Variants in CACNA1I observed in about 807,000 individuals in gnomAD.
CACNA1I encodes the protein calcium voltage-gated channel subunit alpha1 I.
CACNA1I carries 74 observed loss-of-function variants against 201.6 expected under a neutral mutation model. That is an observed-to-expected ratio of 0.37 (90% CI 0.30 to 0.45). CACNA1I has a LOEUF of 0.45. Ranked by LOEUF, CACNA1I falls within the 20% of genes least tolerant of loss-of-function variation. The pLI is 1.00. For synonymous variants in CACNA1I, 1,431 were observed against 1,345.2 expected (o/e 1.06, Z -1.40); for missense variants, 2,346 against 3,138.1 (o/e 0.75, Z 6.03).
At chr22:39,615,984 G>T (rs780007334) in intron 3 of CACNA1I, among the ~76,000 whole-genome samples, 2 of 152,170 alleles carry the variant, frequency 1.3e-5, no homozygotes, top group Non-Finnish European at 2.9e-5. Flanking sequence ...CTACAGGAAC[G>T]TTTTCTTGGG....
rs1342929945 is a variant in CACNA1I at position 39,677,107 on chromosome 22, C to A, written c.4855-234C>A. On this transcript the variant is annotated intron_variant, in intron 29 of 36. Transcript: ENST00000402142. The surrounding 1 kb of genome is among the most constrained non-coding windows in gnomAD (Gnocchi z 4.8). ...ACCTTAAGTGCTGGAAATGGGACAGCTTGTGGTAAAGGTGGCACAAGTGTT... is the reference window on the plus strand; with the variant it reads ...ACCTTAAGTGCTGGAAATGGGACAGATTGTGGTAAAGGTGGCACAAGTGTT... Among the ~76,000 whole-genome samples, 1 of 152,198 alleles carries A rather than the reference C, an allele frequency of 6.6e-6. No homozygotes were observed. The highest frequency in any genetic ancestry group is 2.4e-5 in the African/African-American group (1 of 41,448).
intron 1 of CACNA1I, among the ~76,000 whole-genome samples, chr22:39,572,682 CA>C (rs1286084380): frequency 1.3e-5 from 2 of 151,984 alleles, no homozygotes; most frequent in African/African-American, 4.8e-5. Context: ...TGCCCTGGGA[CA>C]CTGAGGACAA....
chr22:39,660,052 T>TC lies in CACNA1I; in HGVS notation c.2604+207dup, dbSNP rs564106254. On this transcript the variant is annotated intron_variant, in intron 14 of 36. Coordinates refer to ENST00000402142, the MANE Select transcript of CACNA1I (RefSeq NM_021096.4). ...TGGAGACTGCGTCTGCCATCCCTGCTCCCCCCCAGGGATGTAGGACTAGGC... is the reference window on the plus strand; with the variant it reads ...TGGAGACTGCGTCTGCCATCCCTGCTCCCCCCCCAGGGATGTAGGACTAGGC... Among the ~76,000 whole-genome samples, 58 of 151,374 alleles carry TC rather than the reference T, an allele frequency of 3.8e-4. 1 individual carries two copies. The South Asian group carries it at 0.011, about 28-fold the overall frequency.
intron 1 of CACNA1I, among the ~76,000 whole-genome samples, chr22:39,572,640 G>A (rs1569041995): frequency 2.0e-5 from 3 of 152,060 alleles, no homozygotes; most frequent in African/African-American, 4.8e-5. Context: ...GGGTCTGCTC[G>A]GTAATTAGTT....
intron 1 of CACNA1I, among the ~76,000 whole-genome samples, chr22:39,593,337 C>A (rs1241512461): frequency 2.6e-5 from 4 of 152,316 alleles, no homozygotes; most frequent in Non-Finnish European, 4.4e-5. Context: ...GTCTGGTACA[C>A]AGTCGTCAGA....
At position 39,600,667 on chromosome 22, in the gene CACNA1I, G is replaced by A. The variant is rs58365162; in HGVS notation, c.482+14G>A. On this transcript the variant is annotated intron_variant, in intron 3 of 36. Coordinates refer to ENST00000402142, the MANE Select transcript of CACNA1I (RefSeq NM_021096.4). ...CGTCATGGCAGGGTAGGTAGCGCCC[G>A]CCAGGCAGGTCCTAGCCTCTGGTGC... 7.4e-5 allele frequency: 118 copies of A among 1,591,126 alleles called. No homozygotes were observed. The highest frequency in any genetic ancestry group is 9.7e-5 in the Non-Finnish European group (114 of 1,170,642).
At chr22:39,656,641 GGAATGAAT>G (rs112171045) in intron 10 of CACNA1I, 13 of 517,546 alleles carry the variant, frequency 2.5e-5, no homozygotes, top group South Asian at 5.6e-5. Context: ...TAGCCATGCA[GGAATGAAT>G]GAATGAATGA....
At chr22:39,680,008 T>TG in intron 33 of CACNA1I, 140 bp downstream of exon 33, 1 of 833,182 alleles carries the variant, frequency 1.2e-6, no homozygotes, top group Non-Finnish European at 1.8e-6. Context: ...CTTCCATGGC[T>TG]GGGGCAGATT....
In CACNA1I at chr22:39,624,448, G is replaced by A. The variant is rs557822315; in HGVS notation, c.580+5041G>A. On this transcript the variant is annotated intron_variant, in intron 4 of 36. Coordinates refer to ENST00000402142, the MANE Select transcript of CACNA1I (RefSeq NM_021096.4). Reference sequence around the variant, plus strand: ...CTTTCCTCAGGGTCTCCTCCTGCTAGTGGCCACCGCTGGGCAGTTGGGGGA... The same window carrying A: ...CTTTCCTCAGGGTCTCCTCCTGCTAATGGCCACCGCTGGGCAGTTGGGGGA... Among the ~76,000 whole-genome samples the A allele has an allele frequency of 3.2e-4, 48 of 152,298 alleles. No individual in the cohort carries two copies. The South Asian group carries it at 9.5e-3, about 30-fold the overall frequency.
chr22:39,623,208 T>A (rs1214172126), intron 4 of CACNA1I, among the ~76,000 whole-genome samples: 1 of 151,332 alleles, frequency 6.6e-6, no homozygotes, highest in Non-Finnish European at 1.5e-5. Context: ...TGTGAGGGTG[T>A]GTGTCCACCA....
intron 5 of CACNA1I, among the ~76,000 whole-genome samples, chr22:39,637,263 C>T (rs1046828934): frequency 1.3e-5 from 2 of 152,178 alleles, no homozygotes; most frequent in Non-Finnish European, 2.9e-5. Context: ...ACAAGACCAG[C>T]CAGGGTGGGG....
At position 39,619,815 on chromosome 22, in the gene CACNA1I, A is replaced by G. The variant is rs146331841; in HGVS notation, c.580+408A>G. 5.3e-5 allele frequency among the ~76,000 whole-genome samples: 8 copies of G among 152,232 alleles called. No homozygotes were observed. In the East Asian group the frequency reaches 1.5e-3, roughly 29 times the overall value. ...TGGGGCAATGAAACCTGACTCCCTC[A>G]CTTGTGCTGACTGACTTAGAAGTCG... On this transcript the variant is annotated intron_variant, in intron 4 of 36. Coordinates refer to ENST00000402142, the MANE Select transcript of CACNA1I (RefSeq NM_021096.4).
chr22:39,665,357 C>T lies in CACNA1I; in HGVS notation c.3852-141C>T. On this transcript the variant is annotated intron_variant, in intron 21 of 36. Transcript: ENST00000402142. The surrounding 1 kb of genome is among the most constrained non-coding windows in gnomAD (Gnocchi z 5.5). The stretch of plus-strand genomic sequence containing the variant: ...TCTCTGCATTCCTGGAGACTGTCCT[C>T]ATGCCCCAGGGTGTTCAGCCCTGGT... 1.0e-6 allele frequency: 1 copy of T among 970,910 alleles called. No individual in the cohort carries two copies. Among genetic ancestry groups the T allele is most frequent in the Non-Finnish European group, 1.5e-6 (1 of 669,078 alleles). 60.1% of individuals were successfully genotyped at this position (970,910 alleles called of 1,614,324 possible). A position where few individuals can be genotyped will look rare whatever the true frequency, so the allele number is the denominator to read the frequency against.
At chr22:39,660,315 G>C in intron 14 of CACNA1I, 29 bp from the exon 15 acceptor site, 1 of 1,572,608 alleles carries the variant, frequency 6.4e-7, no homozygotes, top group Non-Finnish European at 8.7e-7. Flanking sequence ...GGACTGACCT[G>C]CATTCTAACG....
chr22:39,600,749 T>G, intron 3 of CACNA1I, 96 bp downstream of exon 3: 1 of 1,400,714 alleles, frequency 7.1e-7, no homozygotes, highest in Non-Finnish European at 9.4e-7. Context: ...TGAAGGGGAA[T>G]CACGGTGATG....
intron 32 of CACNA1I, 40 bp downstream of exon 32, chr22:39,679,485 G>C (rs919385999): frequency 1.5e-6 from 2 of 1,344,110 alleles, no homozygotes; most frequent in African/African-American, 1.5e-5. Flanking sequence ...CGCCAGAGGG[G>C]GGGCACCGCA....
At chr22:39,653,867 G>A (rs563936870) in intron 10 of CACNA1I, among the ~76,000 whole-genome samples, 2 of 152,354 alleles carry the variant, frequency 1.3e-5, no homozygotes, top group South Asian at 4.1e-4. Context: ...CTAGAAGGAG[G>A]GGATGGGTGA....
In CACNA1I at chr22:39,571,145, G is replaced by A. The variant is rs541877738; in HGVS notation, c.236+157G>A. On this transcript the variant is annotated intron_variant, in intron 1 of 36. Transcript: ENST00000402142. Reference sequence around the variant, plus strand: ...TGGTGGTGAGCGAGCTCAGAGGGTGGGTCTGGGGAGACCTCAAATGGATGA... The same window carrying A: ...TGGTGGTGAGCGAGCTCAGAGGGTGAGTCTGGGGAGACCTCAAATGGATGA... 20 of 650,910 alleles carry A rather than the reference G, an allele frequency of 3.1e-5. No homozygotes were observed. In the East Asian group the frequency reaches 4.6e-4, roughly 15 times the overall value. The allele number at this position is 650,910 out of a possible 1,614,324, so 40.3% of individuals were successfully genotyped here.
intron 1 of CACNA1I, among the ~76,000 whole-genome samples, chr22:39,585,224 T>A (rs551484225): frequency 6.6e-6 from 1 of 151,782 alleles, no homozygotes; most frequent in Admixed American, 6.6e-5. Context: ...TGTGCCCGGA[T>A]AATTTTTTTT....
Sources: allele counts gnomAD v4.1 joint callset (sites outside exome capture counted in the v4.1 genomes callset), GRCh38; gene constraint gnomAD v4.1.1; non-coding constraint Gnocchi (gnomAD v3.1); transcripts MANE v1.5; gene names NCBI Gene and HGNC (gene_info 2026-07-23, HGNC 2026-07-21).